Variants in SHANK2 observed in about 807,000 individuals in gnomAD.
SHANK2 encodes the protein SH3 and multiple ankyrin repeat domains protein 2.
Under a neutral mutation model 133.7 loss-of-function variants are expected in SHANK2, and 43 were observed. The ratio of observed to expected loss-of-function variants is 0.32; its 90% CI spans 0.25 to 0.41. SHANK2 has a LOEUF of 0.41. SHANK2 is among the 10% of genes least tolerant of loss of function. The pLI is 1.00. For synonymous variants in SHANK2, 1,017 were observed against 952.8 expected, an observed-to-expected ratio of 1.07 and a Z score of -1.24; for missense variants, 1,994 against 2,235.8, an observed-to-expected ratio of 0.89 and a Z score of 2.18.
intron 11 of SHANK2, among the ~76,000 whole-genome samples, chr11:70,845,271 G>C (rs1948980135): frequency 6.6e-6 from 1 of 150,378 alleles, no homozygotes; most frequent in East Asian, 1.9e-4. Flanking sequence ...ATGAGGTATA[G>C]AGAAAATGGG....
rs542481084 is a variant in SHANK2 at position 71,092,825 on chromosome 11, G to A, written c.745-236C>T. On this transcript the variant is annotated intron_variant, in intron 7 of 25. Transcript: ENST00000601538. ...GGAGGCTGAGGCAGGTGGATCACCC[G>A]GGGTCAGGAGTTCAAGACCAGCCTG... is the stretch of plus-strand genomic sequence containing the variant. Among the ~76,000 whole-genome samples, 420 of 152,238 alleles carry A rather than the reference G, an allele frequency of 2.8e-3. 3 individuals carry two copies. Among genetic ancestry groups the A allele is most frequent in the African/African-American group, 9.3e-3 (388 of 41,546 alleles).
chr11:70,573,384 G>A (rs1192671738), intron 17 of SHANK2, among the ~76,000 whole-genome samples: 6 of 151,202 alleles, frequency 4.0e-5, no homozygotes, highest in Non-Finnish European at 5.9e-5. Flanking sequence ...TGACCTTGGC[G>A]ATGGTTTCCC....
intron 10 of SHANK2, among the ~76,000 whole-genome samples, chr11:70,924,964 C>A (rs1478370452): frequency 2.0e-5 from 3 of 152,176 alleles, no homozygotes; most frequent in Admixed American, 2.0e-4. Context: ...CTTCCCATCA[C>A]CATCCGGGCT....
At chr11:71,216,074 C>T (rs1452263071) in intron 2 of SHANK2, among the ~76,000 whole-genome samples, 9 of 152,074 alleles carry the variant, frequency 5.9e-5, no homozygotes, top group Admixed American at 5.2e-4. Flanking sequence ...TGTCCCTCCT[C>T]CACTGAGGGA....
chr11:71,241,418 G>T (rs1456451552), intron 1 of SHANK2, among the ~76,000 whole-genome samples: 1 of 152,092 alleles, frequency 6.6e-6, no homozygotes, highest in Admixed American at 6.5e-5. Flanking sequence ...CCCCACACAG[G>T]CGACCCAAGG....
At chr11:70,778,826 C>A (rs1417291683) in intron 14 of SHANK2, among the ~76,000 whole-genome samples, 2 of 152,192 alleles carry the variant, frequency 1.3e-5, no homozygotes, top group Non-Finnish European at 2.9e-5. Context: ...CACTGGCAGC[C>A]CAGTGTAGCA....
chr11:71,165,437 T>C (rs773127711), intron 2 of SHANK2, among the ~76,000 whole-genome samples: 6 of 152,212 alleles, frequency 3.9e-5, no homozygotes, highest in South Asian at 2.1e-4. Flanking sequence ...CCCTGGGAGC[T>C]GCCCCCAGGT....
At chr11:70,893,848 C>T (rs75707639) in intron 11 of SHANK2, among the ~76,000 whole-genome samples, 5,485 of 152,194 alleles carry the variant, frequency 0.036, 173 homozygotes, top group East Asian at 0.11. Flanking sequence ...TACAAACATA[C>T]GGACATGAGA....
In SHANK2 at chr11:70,530,868, A is replaced by C. The variant is rs553995064; in HGVS notation, c.2062-27937T>G. ...TAAGTATACTGAAGTGTATGCTTAA[A>C]AATGGCTGAGATTTTGTCCGGGCTT... On this transcript the variant is annotated intron_variant, in intron 17 of 25. Coordinates refer to ENST00000601538, the MANE Select transcript of SHANK2 (RefSeq NM_012309.5). Among the ~76,000 whole-genome samples the C allele has an allele frequency of 2.0e-5, 3 of 152,282 alleles. No individual in the cohort carries two copies. In the South Asian group the frequency reaches 6.2e-4, roughly 32 times the overall value.
chr11:70,775,405 A>C (rs1266655290), intron 14 of SHANK2, among the ~76,000 whole-genome samples: 2 of 152,166 alleles, frequency 1.3e-5, no homozygotes, highest in Non-Finnish European at 2.9e-5. Context: ...GCAGTGAGCC[A>C]AGATGGTGCC....
intron 15 of SHANK2, among the ~76,000 whole-genome samples, chr11:70,693,331 T>C (rs79830404): frequency 6.6e-6 from 1 of 152,228 alleles, no homozygotes; most frequent in Admixed American, 6.5e-5. Context: ...TCTCTGACAT[T>C]ACTGCCTCTA....
chr11:71,226,685 G>A (rs1309401685), intron 1 of SHANK2: 1 of 152,010 alleles, frequency 6.6e-6, no homozygotes, highest in African/African-American at 2.4e-5. Flanking sequence ...AGAATGAAAG[G>A]AAAATTAAGA....
chr11:70,489,025 G>A (rs2058850034), intron 24 of SHANK2: 1 of 393,006 alleles, frequency 2.5e-6, no homozygotes, highest in Admixed American at 4.0e-5. Flanking sequence ...GGAGCATGCA[G>A]GTTTTCAAAG....
intron 8 of SHANK2, among the ~76,000 whole-genome samples, chr11:71,076,884 A>G (rs36144147): frequency 0.64 from 98,137 of 152,160 alleles, 32,096 homozygotes; most frequent in East Asian, 0.83. Flanking sequence ...ACTACTGGGG[A>G]AAAAGTTCTT....
intron 17 of SHANK2, among the ~76,000 whole-genome samples, chr11:70,565,137 T>C (rs1278447175): frequency 6.6e-6 from 1 of 152,220 alleles, no homozygotes; most frequent in Non-Finnish European, 1.5e-5. Context: ...TGAATTGTAC[T>C]TGTTGGGGGC....
chr11:71,131,997 A>G (rs1952317983), intron 3 of SHANK2, among the ~76,000 whole-genome samples: 1 of 152,198 alleles, frequency 6.6e-6, no homozygotes, highest in African/African-American at 2.4e-5. Flanking sequence ...AATGAGTCCA[A>G]CTCGATCCTG....
intron 17 of SHANK2, among the ~76,000 whole-genome samples, chr11:70,658,863 A>C (rs2061444635): frequency 6.6e-6 from 1 of 151,860 alleles, no homozygotes; most frequent in South Asian, 2.1e-4. Flanking sequence ...CCACGTACCC[A>C]CCCCTTCCAC....
At chr11:70,860,796 C>G (rs1555067664) in intron 11 of SHANK2, among the ~76,000 whole-genome samples, 1 of 152,206 alleles carries the variant, frequency 6.6e-6, no homozygotes, top group East Asian at 1.9e-4. Context: ...GGGAGGATCA[C>G]TTGGGCCCAG....
intron 23 of SHANK2, chr11:70,489,550 C>G: frequency 3.2e-6 from 2 of 633,198 alleles, no homozygotes; most frequent in South Asian, 3.5e-5. Context: ...GAGGCATTTC[C>G]AGAACACACA....
Sources: allele counts gnomAD v4.1 joint callset (sites outside exome capture counted in the v4.1 genomes callset), GRCh38; gene constraint gnomAD v4.1.1; transcripts MANE v1.5; gene names NCBI Gene and HGNC (gene_info 2026-07-23, HGNC 2026-07-21).